MRPS27: variants seen among roughly 807,000 people sequenced by gnomAD.
The protein encoded by MRPS27 is mitochondrial ribosomal protein S27, also known as small ribosomal subunit protein mS27.
In MRPS27, 43 loss-of-function variants were observed where a neutral mutation model predicts 48.9. That is an observed-to-expected ratio of 0.88 (90% CI 0.69 to 1.13). MRPS27 has a LOEUF of 1.13. Among genes scored for constraint, MRPS27 ranks in the 50% most tolerant of loss-of-function variants. MRPS27 has a pLI of 0.00. For synonymous variants in MRPS27, 188 were observed against 171.9 expected (o/e 1.09, Z -0.73); for missense variants, 467 against 476.3 (o/e 0.98, Z 0.18).
intron 4 of MRPS27, among the ~76,000 whole-genome samples, chr5:72,271,590 G>C (rs1484200387): frequency 2.6e-5 from 4 of 152,138 alleles, no homozygotes. Context: ...TGTGATCCTG[G>C]TTTGGATCTT....
chr5:72,302,472 G>C (rs1030515736), intron 2 of MRPS27, among the ~76,000 whole-genome samples: 3 of 152,242 alleles, frequency 2.0e-5, no homozygotes, highest in Non-Finnish European at 2.9e-5. Flanking sequence ...AGAAGTCTTA[G>C]ATGTTGCTCC....
At chr5:72,259,750 A>G (rs927049343) in intron 4 of MRPS27, among the ~76,000 whole-genome samples, 47 of 152,128 alleles carry the variant, frequency 3.1e-4, no homozygotes, top group Admixed American at 1.9e-3. Flanking sequence ...GCTACAGTTA[A>G]TTTTCTTGAC....
At chr5:72,227,156 G>C (rs1315325325) in intron 8 of MRPS27, 2 of 152,210 alleles carry the variant, frequency 1.3e-5, no homozygotes, top group African/African-American at 2.4e-5. Context: ...AAGAGCTTCT[G>C]ATCTGATGGC....
chr5:72,233,932 T>C (rs559794903), intron 6 of MRPS27, among the ~76,000 whole-genome samples, 187 bp downstream of exon 6: 100 of 152,282 alleles, frequency 6.6e-4, no homozygotes, highest in Middle Eastern at 6.8e-3. Flanking sequence ...TTTGATATTT[T>C]CTATCTTAAA....
chr5:72,311,247 T>A (rs1750434595), intron 2 of MRPS27, among the ~76,000 whole-genome samples: 1 of 152,108 alleles, frequency 6.6e-6, no homozygotes, highest in African/African-American at 2.4e-5. Context: ...TCTCAGGTAA[T>A]GTACATTGAA....
At chr5:72,278,546 T>C (rs1266061052) in intron 4 of MRPS27, among the ~76,000 whole-genome samples, 1 of 152,138 alleles carries the variant, frequency 6.6e-6, no homozygotes, top group Non-Finnish European at 1.5e-5. Context: ...CATGTATATT[T>C]CCGGATCCTA....
chr5:72,254,341 T>C (rs913708111), intron 4 of MRPS27, among the ~76,000 whole-genome samples: 10 of 152,054 alleles, frequency 6.6e-5, no homozygotes, highest in Admixed American at 2.6e-4. Context: ...TGCCATAGCC[T>C]AGCTTCCTGG....
At chr5:72,279,206 A>G (rs1749467947) in intron 4 of MRPS27, among the ~76,000 whole-genome samples, 1 of 152,174 alleles carries the variant, frequency 6.6e-6, no homozygotes, top group Admixed American at 6.5e-5. Context: ...TTTAATCTGT[A>G]ATTTATCTGA....
intron 4 of MRPS27, among the ~76,000 whole-genome samples, chr5:72,295,035 TTG>T (rs149464375): frequency 6.6e-6 from 1 of 151,536 alleles, no homozygotes; most frequent in Non-Finnish European, 1.5e-5. Context: ...GATACTCAAC[TTG>T]TGTGTGTGTG....
At chr5:72,288,159 TAAG>T (rs1337014565) in intron 4 of MRPS27, among the ~76,000 whole-genome samples, 1 of 151,490 alleles carries the variant, frequency 6.6e-6, no homozygotes, top group African/African-American at 2.4e-5. Flanking sequence ...GATGAAATAA[TAAG>T]ACCAGTGGGA....
intron 1 of MRPS27, among the ~76,000 whole-genome samples, chr5:72,315,097 A>G (rs544137623): frequency 6.6e-6 from 1 of 152,252 alleles, no homozygotes; most frequent in Non-Finnish European, 1.5e-5. Flanking sequence ...ATGAATGGCA[A>G]GTTCATCAAA....
chr5:72,261,773 C>T (rs1228134312), intron 4 of MRPS27, among the ~76,000 whole-genome samples: 2 of 152,168 alleles, frequency 1.3e-5, no homozygotes, highest in East Asian at 1.9e-4. Context: ...TAACTTCTTT[C>T]CTGTCAATTG....
At chr5:72,285,182 C>G (rs1749640522) in intron 4 of MRPS27, among the ~76,000 whole-genome samples, 1 of 152,162 alleles carries the variant, frequency 6.6e-6, no homozygotes, top group Admixed American at 6.5e-5. Context: ...CCCAACAAAC[C>G]CTGATCTCTC....
chr5:72,283,208 T>C (rs765440647), intron 4 of MRPS27, among the ~76,000 whole-genome samples: 7 of 152,184 alleles, frequency 4.6e-5, no homozygotes, highest in Non-Finnish European at 1.0e-4. Flanking sequence ...ACCTCTTTCT[T>C]CCCATCCTGA....
chr5:72,242,009 A>G (rs1392697877), intron 4 of MRPS27, among the ~76,000 whole-genome samples: 1 of 152,220 alleles, frequency 6.6e-6, no homozygotes, highest in Non-Finnish European at 1.5e-5. Flanking sequence ...TTCAGCTTAT[A>G]AAATGTGATT....
intron 1 of MRPS27, among the ~76,000 whole-genome samples, chr5:72,319,584 C>T (rs1363325013): frequency 6.8e-6 from 1 of 146,382 alleles, no homozygotes; most frequent in Admixed American, 7.0e-5. Context: ...CGCTCTGTTG[C>T]CCAGGCTGGA....
intron 2 of MRPS27, among the ~76,000 whole-genome samples, chr5:72,303,894 A>AG (rs1750186990): frequency 6.6e-6 from 1 of 151,270 alleles, no homozygotes; most frequent in East Asian, 1.9e-4. Flanking sequence ...AAAAAAAAAA[A>AG]AAAAAAAAAA....
chr5:72,231,865 T>C (rs190459316), intron 7 of MRPS27, among the ~76,000 whole-genome samples: 1 of 152,226 alleles, frequency 6.6e-6, no homozygotes, highest in East Asian at 1.9e-4. Flanking sequence ...CTGCCTAGGG[T>C]TGTTGTGAGA....
At chr5:72,262,275 T>C (rs188795489) in intron 4 of MRPS27, among the ~76,000 whole-genome samples, 3 of 152,202 alleles carry the variant, frequency 2.0e-5, no homozygotes, top group Non-Finnish European at 4.4e-5. Context: ...GGGGACTCAA[T>C]CAGTAACATA....
Sources: gnomAD v4.1 joint callset for allele counts (sites outside exome capture counted in the v4.1 genomes callset) on GRCh38, gnomAD v4.1.1 for gene constraint, MANE v1.5 for transcripts, NCBI Gene and HGNC (gene_info 2026-07-23, HGNC 2026-07-21) for gene names.